Variants in HDAC1 observed in about 807,000 individuals in gnomAD.
HDAC1 encodes histone deacetylase 1, also known as protein deacetylase HDAC1.
A neutral mutation model predicts 65.5 loss-of-function variants in HDAC1; 18 were observed. That is an observed-to-expected ratio of 0.27 (90% CI 0.19 to 0.41). The LOEUF (loss-of-function observed/expected upper bound fraction) is 0.41, where lower values mean the gene tolerates loss of function less well. HDAC1 is among the 10% of genes least tolerant of loss of function. HDAC1 has a pLI of 1.00. For missense variants in HDAC1, 373 were observed against 625.2 expected (o/e 0.60, Z 4.30); for synonymous variants, 211 against 227.9 (o/e 0.93, Z 0.67).
At chr1:32,316,164 G>T (rs564972449) in intron 2 of HDAC1, among the ~76,000 whole-genome samples, 1 of 150,988 alleles carries the variant, frequency 6.6e-6, no homozygotes, top group Non-Finnish European at 1.5e-5. Context: ...GGCGTCTGTA[G>T]TCCCAGCTAC....
chr1:32,314,399 C>G (rs964878915), intron 2 of HDAC1, among the ~76,000 whole-genome samples: 1 of 152,010 alleles, frequency 6.6e-6, no homozygotes, highest in Admixed American at 6.6e-5. Flanking sequence ...CACCACGTTG[C>G]CCAGGCTGGT....
chr1:32,319,073 C>T (rs555918573), intron 3 of HDAC1, among the ~76,000 whole-genome samples: 4 of 151,722 alleles, frequency 2.6e-5, no homozygotes, highest in East Asian at 3.9e-4. Context: ...GAGCCAAGAT[C>T]GCGCCACTGC....
chr1:32,304,872 C>T (rs1640891755), intron 2 of HDAC1, among the ~76,000 whole-genome samples: 3 of 152,022 alleles, frequency 2.0e-5, no homozygotes, highest in Non-Finnish European at 2.9e-5. Flanking sequence ...CCTCTCTTGG[C>T]TAATTCAGAA....
chr1:32,304,885 A>T (rs909811513), intron 2 of HDAC1, among the ~76,000 whole-genome samples: 13 of 152,090 alleles, frequency 8.5e-5, no homozygotes, highest in African/African-American at 2.7e-4. Context: ...ATTCAGAAAA[A>T]TTTTTTTGTA....
rs200357047 is a variant in HDAC1, at chr1:32,316,710, G to A, written c.208G>A (p.Asp70Asn). ...NAEEMTKYHSDDYIKFLRSIR... is the reference protein window; with the variant it reads ...NAEEMTKYHSNDYIKFLRSIR... ...TGAGGAGATGACCAAGTACCACAGC[G>A]ATGACTACATTAAATTCTTGCGCTC... The change falls in exon 3 of 14, where the codon GAT becomes AAT. Residue 70 changes from aspartate to asparagine, a missense_variant. Transcript: ENST00000373548. The A allele has an allele frequency of 4.3e-6, 7 of 1,614,032 alleles. No homozygotes were observed. The highest frequency in any genetic ancestry group is 5.9e-6 in the Non-Finnish European group (7 of 1,179,958).
At position 32,297,777 on chromosome 1, in the gene HDAC1, A is replaced by ATTTTTT. The variant is rs71571709; in HGVS notation, c.50-4819_50-4814dup. ...AGGCGCATGACACTACGCCTGGCTA[A>ATTTTTT]TTTTTTTTTTTTTTTTTTTTTTTTT... is the stretch of plus-strand genomic sequence containing the variant. On this transcript the variant is annotated intron_variant, in intron 1 of 13. Transcript: ENST00000373548. Among the ~76,000 whole-genome samples, 12 of 72,146 alleles carry ATTTTTT rather than the reference A, an allele frequency of 1.7e-4. 1 individual carries two copies. The highest frequency in any genetic ancestry group is 5.6e-4 in the African/African-American group (9 of 16,084). 47.3% of individuals were successfully genotyped at this position (72,146 alleles called of 152,430 possible).
At chr1:32,307,349 C>T (rs1459386542) in intron 2 of HDAC1, among the ~76,000 whole-genome samples, 2 of 152,164 alleles carry the variant, frequency 1.3e-5, no homozygotes, top group Non-Finnish European at 2.9e-5. Flanking sequence ...TCAACCTTTT[C>T]ATGTAAAGGA....
chr1:32,326,937 A>G lies in HDAC1; in HGVS notation c.356-2A>G. The G allele has an allele frequency of 6.2e-7, 1 of 1,613,982 alleles. No individual in the cohort carries two copies. The highest frequency in any genetic ancestry group is 8.5e-7 in the Non-Finnish European group (1 of 1,179,982). On this transcript the variant is annotated splice_acceptor_variant, in intron 4 of 13. Coordinates refer to ENST00000373548, the MANE Select transcript of HDAC1 (RefSeq NM_004964.3). LOFTEE classifies it high-confidence loss of function. Reference sequence around the variant, plus strand: ...GCTTATGTTCTCTTTTCTCATGCCCAGCAAGTGCTGTGAAACTTAATAAGC... The same window carrying G: ...GCTTATGTTCTCTTTTCTCATGCCCGGCAAGTGCTGTGAAACTTAATAAGC...
In HDAC1 at chr1:32,306,359, C is replaced by T. The variant is rs555493487; in HGVS notation, c.162+3626C>T. ...TTTTGGTAGAGATGGGGTTTCTCCA[C>T]GTTGGTCAGGCTGGTCTCGAACTCC... is the stretch of plus-strand genomic sequence containing the variant. On this transcript the variant is annotated intron_variant, in intron 2 of 13. Coordinates refer to ENST00000373548, the MANE Select transcript of HDAC1 (RefSeq NM_004964.3). 1.8e-3 allele frequency among the ~76,000 whole-genome samples: 276 copies of T among 151,964 alleles called. 2 individuals carry two copies. The highest frequency in any genetic ancestry group is 6.3e-3 in the African/African-American group (260 of 41,478).
chr1:32,318,622 T>G (rs1429194583), intron 3 of HDAC1, among the ~76,000 whole-genome samples: 1 of 151,986 alleles, frequency 6.6e-6, no homozygotes, highest in African/African-American at 2.4e-5. Context: ...GATAATATAT[T>G]TAAATATATA....
chr1:32,325,670 G>A (rs545293720), intron 4 of HDAC1, among the ~76,000 whole-genome samples: 1 of 152,286 alleles, frequency 6.6e-6, no homozygotes, highest in African/African-American at 2.4e-5. Flanking sequence ...ATTTACTTGA[G>A]TTGATATAAT....
chr1:32,320,076 CG>C (rs1039510032), intron 3 of HDAC1, among the ~76,000 whole-genome samples: 4 of 151,948 alleles, frequency 2.6e-5, no homozygotes, highest in African/African-American at 9.7e-5. Context: ...AAAAATTAGC[CG>C]GACGTGGTGG....
chr1:32,331,748 C>T lies in HDAC1; in HGVS notation c.1161C>T (p.Asp387=), dbSNP rs757896216. 21 of 1,613,918 alleles carry T rather than the reference C, an allele frequency of 1.3e-5. No individual in the cohort carries two copies. The highest frequency in any genetic ancestry group is 3.3e-4 in the Middle Eastern group (2 of 6,084). Residue 387 remains aspartate, a synonymous_variant, in exon 11 of 14, where the codon GAC becomes GAT. Coordinates refer to ENST00000373548, the MANE Select transcript of HDAC1 (RefSeq NM_004964.3). This position sits in a 1 kb window ranked among gnomAD's most constrained non-coding sequence, Gnocchi z 4.2. ...PGVQMQAIPE[D]AIPEESGDED... ...TCCAAATGCAGGCGATTCCTGAGGA[C>T]GCCATCCCTGAGGAGAGTGGCGATG...
At position 32,330,472 on chromosome 1, in the gene HDAC1, G is replaced by A. The variant is rs1570041056; in HGVS notation, c.730-106G>A. 2.6e-6 allele frequency: 2 copies of A among 776,290 alleles called. No individual in the cohort carries two copies. Among genetic ancestry groups the A allele is most frequent in the East Asian group, 2.4e-5 (1 of 40,874 alleles). The allele number at this position is 776,290 out of a possible 1,614,324, so 48.1% of individuals were successfully genotyped here. A position where few individuals can be genotyped will look rare whatever the true frequency, so the allele number is the denominator to read the frequency against. ...TTTCTCTCCCACATAGCATGAGGGA[G>A]AGTGGAAAGGTAGGAGTGGGTGGGA... On this transcript the variant is annotated intron_variant, in intron 7 of 13. Transcript: ENST00000373548. This position sits in a 1 kb window ranked among gnomAD's most constrained non-coding sequence, Gnocchi z 4.2.
chr1:32,307,514 C>T (rs79446085), intron 2 of HDAC1, among the ~76,000 whole-genome samples: 115 of 152,240 alleles, frequency 7.6e-4, no homozygotes, highest in African/African-American at 2.6e-3. Context: ...CTAAGTGACT[C>T]ACAGGTGGGT....
At chr1:32,320,575 A>G (rs1013145602) in intron 3 of HDAC1, among the ~76,000 whole-genome samples, 1 of 152,112 alleles carries the variant, frequency 6.6e-6, no homozygotes, top group Non-Finnish European at 1.5e-5. Context: ...CCAATTCTGT[A>G]GTTTTAAAAA....
intron 1 of HDAC1, among the ~76,000 whole-genome samples, chr1:32,295,554 A>G (rs141493297): frequency 0.011 from 1,736 of 152,264 alleles, 12 homozygotes; most frequent in Non-Finnish European, 0.019. Flanking sequence ...GTGTTTTCAT[A>G]TGACAGAAGG....
chr1:32,298,590 C>T (rs1394510118), intron 1 of HDAC1, among the ~76,000 whole-genome samples: 1 of 152,200 alleles, frequency 6.6e-6, no homozygotes, highest in Admixed American at 6.5e-5. Flanking sequence ...TTGGCTCTGC[C>T]ATTGAGAAGC....
At chr1:32,316,930 C>T in intron 3 of HDAC1, 148 bp downstream of exon 3, 1 of 660,722 alleles carries the variant, frequency 1.5e-6, no homozygotes, top group Non-Finnish European at 2.8e-6. Flanking sequence ...GCTTTTTCCC[C>T]TCAAGTCGGA....
Sources: allele counts gnomAD v4.1 joint callset (sites outside exome capture counted in the v4.1 genomes callset), GRCh38; gene constraint gnomAD v4.1.1; non-coding constraint Gnocchi (gnomAD v3.1); transcripts MANE v1.5; gene names NCBI Gene and HGNC (gene_info 2026-07-23, HGNC 2026-07-21).